Variants in WDR86 observed in about 807,000 individuals in gnomAD.
The protein encoded by WDR86 is WD repeat-containing protein 86.
Under a neutral mutation model 36.5 loss-of-function variants are expected in WDR86, and 30 were observed. That is an observed-to-expected ratio of 0.82 (90% CI 0.61 to 1.11). WDR86 has a LOEUF of 1.11. Ranked by LOEUF, WDR86 falls within the 50% of genes most tolerant of loss-of-function variation. The pLI is 0.00. For synonymous variants in WDR86, 255 were observed against 252.9 expected (o/e 1.01, Z -0.08); for missense variants, 545 against 561.2 (o/e 0.97, Z 0.29).
downstream of WDR86, chr7:151,377,013 A>G (rs886701569): frequency 5.3e-6 from 8 of 1,497,814 alleles, no homozygotes; most frequent in East Asian, 2.4e-5. Flanking sequence ...CAATCCTCAC[A>G]TAATTCACTT....
chr7:151,400,647 T>C (rs1265613557), intron 1 of WDR86, among the ~76,000 whole-genome samples: 10 of 152,222 alleles, frequency 6.6e-5, no homozygotes, highest in Non-Finnish European at 1.3e-4. Context: ...CCTCCCAAAG[T>C]GCTGGAATTA....
At position 151,406,771 on chromosome 7, in the gene WDR86, T is replaced by C. The variant is rs1800735616; in HGVS notation, c.163+2656A>G. Among the ~76,000 whole-genome samples, 1 of 152,212 alleles carries C rather than the reference T, an allele frequency of 6.6e-6. No homozygotes were observed. Among genetic ancestry groups the C allele is most frequent in the African/African-American group, 2.4e-5 (1 of 41,450 alleles). On this transcript the variant is annotated intron_variant, in intron 1 of 5. Transcript: ENST00000334493. The surrounding 1 kb of genome is among the most constrained non-coding windows in gnomAD (Gnocchi z 4.4). ...ACAAGAATGCCGTGTATGCTGCTCA[T>C]GAGTCTGCACCTCCCCACTCTCCTC...
rs1242666253 is a variant in WDR86 at position 151,409,781 on chromosome 7, C to G, written c.-192G>C. On this transcript the variant is annotated 5_prime_UTR_variant, in exon 1 of 6. Transcript: ENST00000334493. This position sits in a 1 kb window ranked among gnomAD's most constrained non-coding sequence, Gnocchi z 5.2. ...CCCCGCTGCCTCCAGCCTCTGGGCC[C>G]GCGAACCCAGGGCGCTGCGGGGGGC... The G allele has an allele frequency of 7.1e-6, 9 of 1,268,664 alleles. No individual in the cohort carries two copies. The Admixed American group carries it at 1.3e-4, about 18-fold the overall frequency. The allele number at this position is 1,268,664 out of a possible 1,614,324, so 78.6% of individuals were successfully genotyped here.
In WDR86 at chr7:151,409,563, C is replaced by T. The variant is rs1460514654; in HGVS notation, c.27G>A (p.Arg9=). The T allele has an allele frequency of 1.4e-6, 2 of 1,445,912 alleles. No individual in the cohort carries two copies. The highest frequency in any genetic ancestry group is 1.8e-6 in the Non-Finnish European group (2 of 1,102,476). The allele number at this position is 1,445,912 out of a possible 1,614,324, so 89.6% of individuals were successfully genotyped here. The change falls in exon 1 of 6, where the codon AGG becomes AGA. Residue 9 remains arginine (R), a synonymous_variant. Coordinates refer to ENST00000334493, the MANE Select transcript of WDR86 (RefSeq NM_198285.3). The surrounding 1 kb of genome is among the most constrained non-coding windows in gnomAD (Gnocchi z 5.2). ...TGCCCCCGCGGTGGTCGGCGCAGAC[C>T]CTCAGGGCCGACCCGCCGCCCCCCA... is the stretch of plus-strand genomic sequence containing the variant. The part of the protein sequence containing the change: MGGGGSAL[R]VCADHRGGIN...
chr7:151,391,113 G>A (rs1429584579), intron 3 of WDR86, among the ~76,000 whole-genome samples: 2 of 152,260 alleles, frequency 1.3e-5, no homozygotes, highest in African/African-American at 4.8e-5. Flanking sequence ...CAGATCGTGA[G>A]CGGCACTTCC....
At position 151,381,754 on chromosome 7, in the gene WDR86, C is replaced by A; in HGVS notation, c.967-8G>T. 6.7e-7 allele frequency: 1 copy of A among 1,499,962 alleles called. No homozygotes were observed. The allele number at this position is 1,499,962 out of a possible 1,614,324, so 92.9% of individuals were successfully genotyped here. The stretch of plus-strand genomic sequence containing the variant: ...GAGCACCTGGCCGTGCACCTGCGGG[C>A]GCAGGGGCGGGCGTCACCGGTGACG... On this transcript the variant is annotated splice_polypyrimidine_tract_variant and splice_region_variant and intron_variant, in intron 5 of 5. Transcript: ENST00000334493. The surrounding 1 kb of genome is among the most constrained non-coding windows in gnomAD (Gnocchi z 4.8).
In WDR86 at chr7:151,396,077, G is replaced by A; in HGVS notation, c.425C>T (p.Thr142Ile). 1 of 1,612,744 alleles carries A rather than the reference G, an allele frequency of 6.2e-7. No individual in the cohort carries two copies. The highest frequency in any genetic ancestry group is 8.5e-7 in the Non-Finnish European group (1 of 1,179,846). The change falls in exon 3 of 6, where the codon ACC becomes ATC. Residue 142 changes from threonine (T) to isoleucine (I), a missense_variant. Transcript: ENST00000334493. The stretch of plus-strand genomic sequence containing the variant: ...GTCCCACGGGGCAGAGTAGGCTAGG[G>A]TCAGCACGCAGTTGCGGTGGCCCCG... ...EFRGHRNCVLTLAYSAPWDLP... is the reference protein window; with the variant it reads ...EFRGHRNCVLILAYSAPWDLP...
At chr7:151,403,549 G>C (rs1800486938) in intron 1 of WDR86, among the ~76,000 whole-genome samples, 1 of 152,116 alleles carries the variant, frequency 6.6e-6, no homozygotes, top group Non-Finnish European at 1.5e-5. Context: ...AACTTCCTGA[G>C]TTCTAAGAAA....
At position 151,400,260 on chromosome 7, in the gene WDR86, G is replaced by A; in HGVS notation, c.164-19C>T. ...TCATGTCCTGCAGATGAGGGACAGGGGAGATGTGAGCGTACTGGGGATGCC... is the reference window on the plus strand; with the variant it reads ...TCATGTCCTGCAGATGAGGGACAGGAGAGATGTGAGCGTACTGGGGATGCC... On this transcript the variant is annotated intron_variant, in intron 1 of 5. Coordinates refer to ENST00000334493, the MANE Select transcript of WDR86 (RefSeq NM_198285.3). 1 of 1,576,076 alleles carries A rather than the reference G, an allele frequency of 6.3e-7. No individual in the cohort carries two copies. The highest frequency in any genetic ancestry group is 1.4e-5 in the African/African-American group (1 of 73,882).
chr7:151,407,411 C>T (rs1021929108), intron 1 of WDR86, among the ~76,000 whole-genome samples: 5 of 152,232 alleles, frequency 3.3e-5, no homozygotes, highest in African/African-American at 1.2e-4. Flanking sequence ...TACCGGCAGC[C>T]TGGCAAAGCC....
intron 2 of WDR86, among the ~76,000 whole-genome samples, chr7:151,398,404 T>C (rs1800032862): frequency 7.5e-6 from 1 of 133,188 alleles, no homozygotes; most frequent in African/African-American, 2.8e-5. Context: ...TATGGGTGTA[T>C]ATGTATGTTG....
At chr7:151,383,707 C>A (rs866270887) in intron 4 of WDR86, among the ~76,000 whole-genome samples, 5 of 152,172 alleles carry the variant, frequency 3.3e-5, no homozygotes, top group Middle Eastern at 3.2e-3. Flanking sequence ...TTCTGCCTTC[C>A]CCCCACAAAC....
In WDR86 at chr7:151,388,063, C is replaced by T. The variant is rs970880405; in HGVS notation, c.727-2840G>A. Among the ~76,000 whole-genome samples, 2 of 152,208 alleles carry T rather than the reference C, an allele frequency of 1.3e-5. No individual in the cohort carries two copies. Among genetic ancestry groups the T allele is most frequent in the African/African-American group, 4.8e-5 (2 of 41,448 alleles). ...CCAAAACGCAGGTGCAATCTCTGCC[C>T]GCCGGCTCCTCAGGGTTGGGTGAGA... On this transcript the variant is annotated intron_variant, in intron 3 of 5. Transcript: ENST00000334493. The surrounding 1 kb of genome is among the most constrained non-coding windows in gnomAD (Gnocchi z 4.2).
Position 151,401,973 on chromosome 7 carries a change from G to A in WDR86, c.164-1732C>T, listed in dbSNP as rs1018558513. ...CTGAGGCAGAGAACTGCTTGAACCCGGAAGGCGGAGGCTGCAGTGAGCTGA... is the reference window on the plus strand; with the variant it reads ...CTGAGGCAGAGAACTGCTTGAACCCAGAAGGCGGAGGCTGCAGTGAGCTGA... On this transcript the variant is annotated intron_variant, in intron 1 of 5. Transcript: ENST00000334493. The surrounding 1 kb of genome is among the most constrained non-coding windows in gnomAD (Gnocchi z 4.3). Among the ~76,000 whole-genome samples the A allele has an allele frequency of 4.1e-5, 6 of 145,516 alleles. No individual in the cohort carries two copies. Among genetic ancestry groups the A allele is most frequent in the East Asian group, 2.0e-4 (1 of 4,918 alleles).
At chr7:151,369,005 A>C in the WDR86 span, 2 of 1,163,184 alleles carry the variant, frequency 1.7e-6, no homozygotes, top group Non-Finnish European at 2.3e-6. Context: ...GGAAGGAGAA[A>C]CTTGTCCTTT....
intron 4 of WDR86, among the ~76,000 whole-genome samples, chr7:151,384,555 G>T (rs1371607553): frequency 6.6e-5 from 10 of 152,204 alleles, no homozygotes. Flanking sequence ...TCTGTGCTAA[G>T]GATGACGAAG....
At chr7:151,387,934 G>C (rs144670067) in intron 3 of WDR86, among the ~76,000 whole-genome samples, 1 of 152,234 alleles carries the variant, frequency 6.6e-6, no homozygotes, top group Non-Finnish European at 1.5e-5. Context: ...CATGTGCAAC[G>C]TGAGAAACAA....
At chr7:151,372,770 C>A (rs541462596), downstream of WDR86, among the ~76,000 whole-genome samples, 380 of 152,160 alleles carry the variant, frequency 2.5e-3, no homozygotes, top group Admixed American at 5.0e-3. Context: ...AATGACGGAG[C>A]CTGCTGCCCT....
chr7:151,400,025 C>T, intron 2 of WDR86, 75 bp downstream of exon 2: 2 of 1,370,592 alleles, frequency 1.5e-6, no homozygotes, highest in East Asian at 5.4e-5. Flanking sequence ...TGCAGGGGCC[C>T]ATATCTCTGA....
Sources: allele counts gnomAD v4.1 joint callset (sites outside exome capture counted in the v4.1 genomes callset), GRCh38; gene constraint gnomAD v4.1.1; non-coding constraint Gnocchi (gnomAD v3.1); transcripts MANE v1.5; gene names NCBI Gene and HGNC (gene_info 2026-07-23, HGNC 2026-07-21).